Variants in CNTNAP5 observed in about 807,000 individuals in gnomAD.
The protein encoded by CNTNAP5 is contactin associated protein family member 5.
In CNTNAP5, 72 loss-of-function variants were observed where a neutral mutation model predicts 150.2. The ratio of observed to expected loss-of-function variants is 0.48; its 90% CI spans 0.40 to 0.58. The LOEUF (loss-of-function observed/expected upper bound fraction) is 0.58, where lower values mean the gene tolerates loss of function less well. Ranked by LOEUF, CNTNAP5 falls within the 20% of genes least tolerant of loss-of-function variation. The pLI, the probability that CNTNAP5 is intolerant of heterozygous loss-of-function variation, is 0.00. For missense variants in CNTNAP5, 1,636 were observed against 1,626.2 expected (o/e 1.01, Z -0.10); for synonymous variants, 672 against 619.8 (o/e 1.08, Z -1.25).
chr2:124,819,249 T>C (rs1429387263), intron 19 of CNTNAP5, among the ~76,000 whole-genome samples: 1 of 152,132 alleles, frequency 6.6e-6, no homozygotes, highest in Non-Finnish European at 1.5e-5. Context: ...CCTTTGTAGC[T>C]AGGATGGAGT....
intron 1 of CNTNAP5, among the ~76,000 whole-genome samples, chr2:124,181,383 A>G (rs1685203756): frequency 6.6e-6 from 1 of 152,118 alleles, no homozygotes; most frequent in Non-Finnish European, 1.5e-5. Flanking sequence ...GCAACATAGT[A>G]TATTAAGCAT....
intron 19 of CNTNAP5, among the ~76,000 whole-genome samples, chr2:124,846,958 C>A (rs1683060892): frequency 6.6e-6 from 1 of 152,202 alleles, no homozygotes; most frequent in South Asian, 2.1e-4. Flanking sequence ...ATAACAGCAA[C>A]TGCTGCAGTG....
At chr2:124,728,130 T>TA in intron 13 of CNTNAP5, among the ~76,000 whole-genome samples, 1 of 152,088 alleles carries the variant, frequency 6.6e-6, no homozygotes, top group Non-Finnish European at 1.5e-5. Context: ...TGTTGAACAA[T>TA]CCTTTTATCT....
intron 2 of CNTNAP5, among the ~76,000 whole-genome samples, chr2:124,229,758 T>C (rs900851102): frequency 4.6e-5 from 7 of 152,100 alleles, no homozygotes; most frequent in Admixed American, 2.6e-4. Context: ...GTATATAGCA[T>C]GAAGCCACGG....
At chr2:124,659,161 A>G (rs927588676) in intron 13 of CNTNAP5, among the ~76,000 whole-genome samples, 1 of 152,092 alleles carries the variant, frequency 6.6e-6, no homozygotes, top group Non-Finnish European at 1.5e-5. Context: ...TGAAAATTTC[A>G]CTCTTCATAA....
chr2:124,250,838 T>C (rs1181705362), intron 3 of CNTNAP5, among the ~76,000 whole-genome samples: 1 of 151,126 alleles, frequency 6.6e-6, no homozygotes, highest in Non-Finnish European at 1.5e-5. Context: ...GCAGGCTTCA[T>C]TGAAGTTATT....
chr2:124,637,253 T>C (rs910261128), intron 12 of CNTNAP5, among the ~76,000 whole-genome samples: 8 of 152,204 alleles, frequency 5.3e-5, no homozygotes, highest in Non-Finnish European at 7.3e-5. Flanking sequence ...AAGGCCCAAC[T>C]CCCTGACCCC....
intron 1 of CNTNAP5, among the ~76,000 whole-genome samples, chr2:124,056,714 G>A (rs1681856667): frequency 1.3e-5 from 2 of 152,140 alleles, no homozygotes; most frequent in African/African-American, 4.8e-5. Context: ...TGGTCATGAT[G>A]AGAATGCAAA....
intron 3 of CNTNAP5, among the ~76,000 whole-genome samples, chr2:124,326,655 T>A (rs941585287): frequency 1.3e-5 from 2 of 152,164 alleles, no homozygotes; most frequent in African/African-American, 2.4e-5. Flanking sequence ...CCAGGCATGA[T>A]GGCCTATGCC....
chr2:124,545,303 T>C (rs1378709965), intron 10 of CNTNAP5, among the ~76,000 whole-genome samples: 1 of 152,074 alleles, frequency 6.6e-6, no homozygotes, highest in East Asian at 1.9e-4. Flanking sequence ...TAAGAGGTAC[T>C]CTGCTTGGTC....
intron 22 of CNTNAP5, among the ~76,000 whole-genome samples, chr2:124,909,967 A>G (rs1217669714): frequency 2.0e-5 from 3 of 150,926 alleles, no homozygotes; most frequent in Admixed American, 1.3e-4. Context: ...CACCTTATCA[A>G]TGTCACCAGT....
intron 18 of CNTNAP5, among the ~76,000 whole-genome samples, chr2:124,792,931 A>G (rs1681767468): frequency 2.6e-5 from 4 of 152,130 alleles, no homozygotes; most frequent in African/African-American, 9.7e-5. Flanking sequence ...CCATTCATCC[A>G]TTGGTCAGTT....
intron 13 of CNTNAP5, among the ~76,000 whole-genome samples, chr2:124,661,764 T>C (rs1457609587): frequency 6.6e-6 from 1 of 152,188 alleles, no homozygotes; most frequent in Non-Finnish European, 1.5e-5. Context: ...TAGTAATTCA[T>C]TGCACAATAA....
intron 1 of CNTNAP5, among the ~76,000 whole-genome samples, chr2:124,116,731 C>T (rs1683438689): frequency 2.0e-5 from 3 of 152,178 alleles, no homozygotes. Context: ...TTTCCATACA[C>T]CAGAACTTCT....
chr2:124,462,013 G>T (rs1325747802), intron 6 of CNTNAP5, among the ~76,000 whole-genome samples: 1 of 151,832 alleles, frequency 6.6e-6, no homozygotes, highest in East Asian at 1.9e-4. Context: ...TATTATGTAT[G>T]GCATTTTAAA....
At chr2:124,401,783 C>T (rs188937004) in intron 3 of CNTNAP5, among the ~76,000 whole-genome samples, 34 of 152,276 alleles carry the variant, frequency 2.2e-4, no homozygotes, top group African/African-American at 7.7e-4. Context: ...GAAGTAATAA[C>T]TTTCATGGGG....
intron 13 of CNTNAP5, among the ~76,000 whole-genome samples, chr2:124,743,865 T>A (rs1402484915): frequency 1.3e-5 from 2 of 152,192 alleles, no homozygotes; most frequent in Non-Finnish European, 2.9e-5. Context: ...CCATAGATTC[T>A]AAAAAAATGC....
chr2:124,050,814 G>T (rs1432387423), intron 1 of CNTNAP5, among the ~76,000 whole-genome samples: 1 of 152,202 alleles, frequency 6.6e-6, no homozygotes, highest in African/African-American at 2.4e-5. Flanking sequence ...TTGCAGCTGG[G>T]ATTGCACTTT....
chr2:124,242,791 A>G (rs1686919855), intron 3 of CNTNAP5, among the ~76,000 whole-genome samples: 1 of 152,220 alleles, frequency 6.6e-6, no homozygotes, highest in South Asian at 2.1e-4. Context: ...TTTTGTAACA[A>G]CACAGCTAGC....
Sources: gnomAD v4.1 joint callset for allele counts (sites outside exome capture counted in the v4.1 genomes callset) on GRCh38, gnomAD v4.1.1 for gene constraint, MANE v1.5 for transcripts, NCBI Gene and HGNC (gene_info 2026-07-23, HGNC 2026-07-21) for gene names.